The following VPS39 variants were observed in gnomAD, a reference collection of about 807,000 sequenced individuals.
VPS39 encodes the protein vam6/Vps39-like protein.
A neutral mutation model predicts 121.0 loss-of-function variants in VPS39; 70 were observed. The ratio of observed to expected loss-of-function variants is 0.58; its 90% CI spans 0.48 to 0.71. VPS39 has a LOEUF of 0.71. Among genes scored for constraint, VPS39 ranks in the 30% least tolerant of loss-of-function variants. VPS39 has a pLI of 0.00. For missense variants in VPS39, 818 were observed against 1,051.5 expected (o/e 0.78, Z 3.07); for synonymous variants, 378 against 398.1 (o/e 0.95, Z 0.60).
chr15:42,160,930 T>C, intron 24 of VPS39, 101 bp from the exon 25 acceptor site: 2 of 1,246,028 alleles, frequency 1.6e-6, no homozygotes, highest in South Asian at 1.2e-5. Flanking sequence ...TGGGGGGCCA[T>C]TCCAAAAGCA....
intron 16 of VPS39, 67 bp from the exon 17 acceptor site, chr15:42,165,883 A>G (rs935361928): frequency 3.5e-6 from 5 of 1,446,252 alleles, no homozygotes; most frequent in Middle Eastern, 1.7e-4. Context: ...ACACACACGC[A>G]TGTGAGCGCA....
At chr15:42,178,617 G>A (rs753261688) in intron 8 of VPS39, 47 bp from the exon 9 acceptor site, 3 of 1,604,128 alleles carry the variant, frequency 1.9e-6, no homozygotes, top group East Asian at 2.2e-5. Flanking sequence ...TAAGGCTTTG[G>A]GTTTATGGAG....
intron 2 of VPS39, among the ~76,000 whole-genome samples, chr15:42,191,886 G>A (rs1010668009): frequency 2.0e-5 from 3 of 152,178 alleles, no homozygotes; most frequent in Admixed American, 6.5e-5. Context: ...CCACAAGGAA[G>A]GGTGTAAAAA....
chr15:42,164,288 A>C, intron 19 of VPS39, 70 bp downstream of exon 19: 1 of 1,589,022 alleles, frequency 6.3e-7, no homozygotes, highest in Admixed American at 1.8e-5. Flanking sequence ...TTGGGGAACA[A>C]TTAAAGGGGT....
At chr15:42,165,697 G>A (rs1229166804) in intron 17 of VPS39, 21 bp downstream of exon 17, 13 of 1,602,412 alleles carry the variant, frequency 8.1e-6, no homozygotes, top group East Asian at 2.2e-5. Context: ...GCTTTTTAGT[G>A]CAGACCAAAA....
chr15:42,177,999 G>T (rs1220568347), intron 10 of VPS39, among the ~76,000 whole-genome samples: 1 of 152,146 alleles, frequency 6.6e-6, no homozygotes, highest in African/African-American at 2.4e-5. Context: ...ACTATTACTA[G>T]AATTGATATT....
intron 2 of VPS39, among the ~76,000 whole-genome samples, chr15:42,194,936 GAAA>G (rs201505332): frequency 0.17 from 21,773 of 128,612 alleles, 2,099 homozygotes; most frequent in African/African-American, 0.29. Flanking sequence ...TCAATACAGT[GAAA>G]AAAAAAAAAA....
chr15:42,171,670 G>A lies in VPS39; in HGVS notation c.1091-1804C>T, dbSNP rs575505223. ...CAGTGGCATTAAATACATTCACACT[G>A]TTGTGCAACCATCACACCATCCATC... On this transcript the variant is annotated intron_variant, in intron 11 of 24. Transcript: ENST00000318006. Among the ~76,000 whole-genome samples the A allele has an allele frequency of 3.9e-5, 6 of 152,318 alleles. No homozygotes were observed. The South Asian group carries it at 1.2e-3, about 32-fold the overall frequency.
At chr15:42,176,688 A>G (rs947389662) in intron 10 of VPS39, among the ~76,000 whole-genome samples, 1 of 152,196 alleles carries the variant, frequency 6.6e-6, no homozygotes, top group African/African-American at 2.4e-5. Flanking sequence ...TTAAGATCAG[A>G]TTTTTATTTT....
chr15:42,184,697 C>A lies in VPS39; in HGVS notation c.538G>T (p.Asp180Tyr). 6.2e-7 allele frequency: 1 copy of A among 1,610,188 alleles called. No homozygotes were observed. The highest frequency in any genetic ancestry group is 8.5e-7 in the Non-Finnish European group (1 of 1,177,956). The stretch of plus-strand genomic sequence containing the variant: ...AGCTCTTTGATGGACCCCTTTCCAT[C>A]CACCTATAGGAAGAAACAGAGTGAG... ...FKRDYYLIRV[D>Y]GKGSIKELFP... The change falls in exon 8 of 25, where the codon GAT becomes TAT. Residue 180 changes from aspartate (D) to tyrosine (Y), a missense_variant. Coordinates refer to ENST00000318006, the MANE Select transcript of VPS39 (RefSeq NM_015289.5).
chr15:42,207,092 A>G (rs1438548782), intron 1 of VPS39, among the ~76,000 whole-genome samples: 1 of 152,180 alleles, frequency 6.6e-6, no homozygotes, highest in Non-Finnish European at 1.5e-5. Flanking sequence ...AAAGAACCCT[A>G]CAGAAGAAGT....
chr15:42,185,930 A>C (rs557341135), intron 7 of VPS39, among the ~76,000 whole-genome samples: 2 of 152,366 alleles, frequency 1.3e-5, no homozygotes, highest in East Asian at 3.9e-4. Flanking sequence ...TCCCACCCTG[A>C]AGGTGATGTC....
Position 42,162,319 on chromosome 15 carries a change from A to T in VPS39, c.2325+13T>A. 6.2e-7 allele frequency: 1 copy of T among 1,605,124 alleles called. No homozygotes were observed. Among genetic ancestry groups the T allele is most frequent in the South Asian group, 1.1e-5 (1 of 90,022 alleles). ...TGCAAACACCCTCCATCTCCCTAGG[A>T]ACAACTCCTGACCTTGGTGGTGTCC... On this transcript the variant is annotated intron_variant, in intron 22 of 24. Coordinates refer to ENST00000318006, the MANE Select transcript of VPS39 (RefSeq NM_015289.5).
Position 42,162,406 on chromosome 15 carries a change from G to A in VPS39, c.2251C>T (p.Leu751=). The A allele has an allele frequency of 1.2e-6, 2 of 1,613,852 alleles. No individual in the cohort carries two copies. The highest frequency in any genetic ancestry group is 1.7e-6 in the Non-Finnish European group (2 of 1,179,942). ...GCCTGGAGGTTGGCTTTTGGCTCCA[G>A]TAGTTCCAGCTTGATTGGCCCCAGG... is the stretch of plus-strand genomic sequence containing the variant. The part of the protein sequence containing the change: ...HCLGPIKLEL[L]EPKANLQAAL... The change falls in exon 22 of 25, where the codon CTG becomes TTG. Residue 751 remains leucine (L), a synonymous_variant. Coordinates refer to ENST00000318006, the MANE Select transcript of VPS39 (RefSeq NM_015289.5).
At chr15:42,176,888 C>T (rs1205009101) in intron 10 of VPS39, among the ~76,000 whole-genome samples, 2 of 152,072 alleles carry the variant, frequency 1.3e-5, no homozygotes, top group African/African-American at 4.8e-5. Flanking sequence ...TGAGGCTGGG[C>T]ATAGTAGTTC....
chr15:42,162,549 T>C (rs1407507589), intron 21 of VPS39, 68 bp from the exon 22 acceptor site: 26 of 1,492,868 alleles, frequency 1.7e-5, no homozygotes, highest in Non-Finnish European at 2.3e-5. Flanking sequence ...GCACTGAGCA[T>C]GCCTAACGAT....
At chr15:42,164,594 A>C (rs959446764) in intron 18 of VPS39, 108 bp from the exon 19 acceptor site, 1 of 1,492,368 alleles carries the variant, frequency 6.7e-7, no homozygotes, top group Admixed American at 2.3e-5. Context: ...ACATGACCAG[A>C]AAGGGCCTCC....
In VPS39 at chr15:42,163,357, T is replaced by C. The variant is rs1434344194; in HGVS notation, c.2168A>G (p.Asn723Ser). The change falls in exon 21 of 25, where the codon AAC becomes AGC. Residue 723 changes from asparagine (N) to serine (S), a missense_variant. Physicochemically the swap from Asn to Ser is conservative, Grantham distance 46. Coordinates refer to ENST00000318006, the MANE Select transcript of VPS39 (RefSeq NM_015289.5). Reference protein sequence around the residue: ...HKHYDRNKDGNKDVYLSLLRM... With the variant: ...HKHYDRNKDGSKDVYLSLLRM... ...GTCAGGGTCACTACTCACATCTTTG[T>C]TGCCATCTTTGTTTCGGTCATAGTG... 6 of 1,614,082 alleles carry C rather than the reference T, an allele frequency of 3.7e-6. No homozygotes were observed. In the African/African-American group the frequency reaches 5.3e-5, roughly 14 times the overall value.
At chr15:42,180,230 T>A (rs192039334) in intron 8 of VPS39, among the ~76,000 whole-genome samples, 26 of 152,344 alleles carry the variant, frequency 1.7e-4, no homozygotes, top group African/African-American at 6.0e-4. Flanking sequence ...GCATTTCTAT[T>A]TGATACTTGC....
Sources: allele counts gnomAD v4.1 joint callset (sites outside exome capture counted in the v4.1 genomes callset), GRCh38; gene constraint gnomAD v4.1.1; transcripts MANE v1.5; gene names NCBI Gene and HGNC (gene_info 2026-07-23, HGNC 2026-07-21).